RABGEF1: variants seen among roughly 807,000 people sequenced by gnomAD.
RABGEF1 encodes rab5 GDP/GTP exchange factor.
Under a neutral mutation model 57.3 loss-of-function variants are expected in RABGEF1, and 26 were observed. The observed-to-expected ratio is 0.45, with a 90% CI of 0.33 to 0.63. The LOEUF (loss-of-function observed/expected upper bound fraction) is 0.63. Ranked by LOEUF, RABGEF1 falls within the 20% of genes least tolerant of loss-of-function variation. RABGEF1 has a pLI of 0.02. For missense variants in RABGEF1, 464 were observed against 607.6 expected, an observed-to-expected ratio of 0.76 and a Z score of 2.48; for synonymous variants, 185 against 210.7, an observed-to-expected ratio of 0.88 and a Z score of 1.06.
the RABGEF1 span, among the ~76,000 whole-genome samples, chr7:66,656,946 C>G: frequency 6.6e-6 from 1 of 151,448 alleles, no homozygotes; most frequent in Non-Finnish European, 1.5e-5. Flanking sequence ...AAAGTTTAAT[C>G]CAACAAGAAA....
At chr7:66,674,059 A>G in the RABGEF1 span, among the ~76,000 whole-genome samples, 12 of 152,232 alleles carry the variant, frequency 7.9e-5, no homozygotes, top group Admixed American at 7.9e-4. Context: ...GGGAACACCT[A>G]GAACTCTTCT....
At chr7:66,709,201 G>A (rs148730514) in intron 1 of RABGEF1, among the ~76,000 whole-genome samples, 20 of 152,154 alleles carry the variant, frequency 1.3e-4, no homozygotes, top group African/African-American at 4.8e-4. Flanking sequence ...TAGAAATGGA[G>A]TTTCACCATG....
intron 7 of RABGEF1, among the ~76,000 whole-genome samples, chr7:66,802,309 T>C (rs1477569141): frequency 6.6e-6 from 1 of 152,190 alleles, no homozygotes; most frequent in African/African-American, 2.4e-5. Flanking sequence ...CAACAAAGAA[T>C]TATTCAACCC....
intron 1 of RABGEF1, among the ~76,000 whole-genome samples, chr7:66,686,223 A>G (rs1339982596): frequency 1.3e-5 from 2 of 151,746 alleles, no homozygotes; most frequent in African/African-American, 2.4e-5. Flanking sequence ...GGAGGTTGCA[A>G]TGAGCCGAGA....
intron 4 of RABGEF1, among the ~76,000 whole-genome samples, chr7:66,785,556 A>C (rs941286887): frequency 2.6e-5 from 4 of 152,178 alleles, no homozygotes; most frequent in African/African-American, 9.7e-5. Context: ...GTTCCTCTGA[A>C]GTTGTGAAGA....
intron 1 of RABGEF1, among the ~76,000 whole-genome samples, chr7:66,741,951 A>G (rs1799064717): frequency 6.6e-6 from 1 of 151,374 alleles, no homozygotes; most frequent in African/African-American, 2.4e-5. Flanking sequence ...CCTCCCTAAC[A>G]CGGTGAAACC....
At chr7:66,808,431 G>C (rs1210481998) in intron 8 of RABGEF1, among the ~76,000 whole-genome samples, 1 of 151,988 alleles carries the variant, frequency 6.6e-6, no homozygotes, top group Non-Finnish European at 1.5e-5. Context: ...GGCCAGGCTG[G>C]TCTCAAACTC....
At chr7:66,690,655 A>G (rs1791385837) in intron 1 of RABGEF1, among the ~76,000 whole-genome samples, 2 of 151,776 alleles carry the variant, frequency 1.3e-5, no homozygotes, top group Admixed American at 6.6e-5. Context: ...GCAGTGGGCC[A>G]TGATTGCATC....
intron 1 of RABGEF1, among the ~76,000 whole-genome samples, chr7:66,763,475 C>G (rs577600649): frequency 6.6e-6 from 1 of 152,330 alleles, no homozygotes; most frequent in South Asian, 2.1e-4. Context: ...TGCTTTGACT[C>G]TCTCTAACTT....
At chr7:66,658,019 A>G in the RABGEF1 span, among the ~76,000 whole-genome samples, 10,076 of 152,170 alleles carry the variant, frequency 0.066, 1,083 homozygotes, top group African/African-American at 0.23. Flanking sequence ...GTTCAGCAAA[A>G]TTGACAAATT....
rs796556666 is a variant in RABGEF1 at position 66,809,703 on chromosome 7, A to G, written c.*419A>G. 5.2e-5 allele frequency: 8 copies of G among 154,820 alleles called. No homozygotes were observed. The highest frequency in any genetic ancestry group is 1.9e-4 in the African/African-American group (8 of 41,652). 9.6% of individuals were successfully genotyped at this position (154,820 alleles called of 1,614,324 possible). A position where few individuals can be genotyped will look rare whatever the true frequency, so the allele number is the denominator to read the frequency against. ...TTTTATAATTGTAAAGATAGAAATT[A>G]TATTGATAAGTAAATATGTAAAATT... On this transcript the variant is annotated 3_prime_UTR_variant, in exon 9 of 9. Transcript: ENST00000284957.
chr7:66,807,592 T>C (rs1788722655), intron 8 of RABGEF1, among the ~76,000 whole-genome samples: 1 of 152,258 alleles, frequency 6.6e-6, no homozygotes, highest in African/African-American at 2.4e-5. Flanking sequence ...CTTACACTTG[T>C]ATTGCACCTC....
intron 1 of RABGEF1, among the ~76,000 whole-genome samples, chr7:66,750,890 T>A (rs1801244588): frequency 6.6e-6 from 1 of 152,246 alleles, no homozygotes; most frequent in African/African-American, 2.4e-5. Flanking sequence ...AAAATACTCT[T>A]CTCCTGTGTT....
At chr7:66,677,801 G>A (rs781315768), upstream of RABGEF1, among the ~76,000 whole-genome samples, 8 of 150,818 alleles carry the variant, frequency 5.3e-5, no homozygotes, top group Non-Finnish European at 7.4e-5. Flanking sequence ...AAGGAATGCC[G>A]GGTTTGGTGG....
At position 66,732,296 on chromosome 7, in the gene RABGEF1, G is replaced by C. The variant is rs538319690; in HGVS notation, c.-814-7700G>C. Among the ~76,000 whole-genome samples the C allele has an allele frequency of 1.1e-3, 162 of 152,340 alleles. 1 individual carries two copies. Among genetic ancestry groups the C allele is most frequent in the Non-Finnish European group, 2.0e-3 (135 of 68,018 alleles). ...TGGACACGGAGCCTCATTGAGCAGG[G>C]GGTGCGAGGCCTCTGGGGCTGCCTC... On this transcript the variant is annotated intron_variant and NMD_transcript_variant, in intron 2 of 9. Coordinates refer to the RABGEF1 transcript ENST00000607882.
chr7:66,797,827 G>C (rs553022494), intron 6 of RABGEF1, among the ~76,000 whole-genome samples: 5 of 152,268 alleles, frequency 3.3e-5, no homozygotes, highest in East Asian at 3.9e-4. Flanking sequence ...TGTGAATATC[G>C]GTATCAAGGC....
the RABGEF1 span, among the ~76,000 whole-genome samples, chr7:66,676,389 A>G: frequency 6.6e-6 from 1 of 152,174 alleles, no homozygotes; most frequent in African/African-American, 2.4e-5. Context: ...CACATACTCA[A>G]GCATATTCAA....
intron 7 of RABGEF1, among the ~76,000 whole-genome samples, chr7:66,804,719 A>C (rs1281300513): frequency 6.6e-6 from 1 of 150,912 alleles, no homozygotes; most frequent in African/African-American, 2.4e-5. Flanking sequence ...CCTGGGCAAC[A>C]AAGAGTGAAA....
chr7:66,672,128 T>TA, the RABGEF1 span, among the ~76,000 whole-genome samples: 7 of 149,342 alleles, frequency 4.7e-5, no homozygotes, highest in East Asian at 9.9e-4. Context: ...TGTTAAAAAA[T>TA]AAAAAAAAAC....
Sources: gnomAD v4.1 joint callset for allele counts (sites outside exome capture counted in the v4.1 genomes callset) on GRCh38, gnomAD v4.1.1 for gene constraint, MANE v1.5 for transcripts, NCBI Gene and HGNC (gene_info 2026-07-23, HGNC 2026-07-21) for gene names.